Variants in CEP85L observed in about 807,000 individuals in gnomAD.
The protein encoded by CEP85L is centrosomal protein of 85 kDa-like.
In CEP85L, 60 loss-of-function variants were observed where a neutral mutation model predicts 100.3. That is an observed-to-expected ratio of 0.60 (90% CI 0.49 to 0.74). The LOEUF (loss-of-function observed/expected upper bound fraction) is 0.74. CEP85L is among the 30% of genes least tolerant of loss of function. The pLI, the probability that CEP85L is intolerant of heterozygous loss-of-function variation, is 0.00. For synonymous variants in CEP85L, 319 were observed against 322.7 expected, an observed-to-expected ratio of 0.99 and a Z score of 0.12; for missense variants, 973 against 936.2, an observed-to-expected ratio of 1.04 and a Z score of -0.51.
chr6:118,522,211 T>C (rs2114779293), intron 4 of CEP85L, among the ~76,000 whole-genome samples: 1 of 152,098 alleles, frequency 6.6e-6, no homozygotes, highest in African/African-American at 2.4e-5. Flanking sequence ...AAATACAAAA[T>C]TAGCCGGGCG....
intron 3 of CEP85L, among the ~76,000 whole-genome samples, chr6:118,546,352 T>C (rs965821800): frequency 4.6e-5 from 7 of 152,148 alleles, no homozygotes; most frequent in African/African-American, 9.7e-5. Context: ...AAACATGTGG[T>C]AACTAGGGCA....
At chr6:118,593,186 A>G (rs973490356) in intron 2 of CEP85L, among the ~76,000 whole-genome samples, 3 of 152,150 alleles carry the variant, frequency 2.0e-5, no homozygotes, top group Non-Finnish European at 2.9e-5. Context: ...GGTTTGAAGG[A>G]TAATGGCTAA....
chr6:118,675,168 TACA>T (rs35294607), intron 1 of CEP85L, among the ~76,000 whole-genome samples: 38,910 of 151,278 alleles, frequency 0.26, 5,234 homozygotes, highest in Non-Finnish European at 0.3. Flanking sequence ...TGTTACATGC[TACA>T]ACATGGATGA....
chr6:118,564,098 T>A (rs1332088796), intron 3 of CEP85L, among the ~76,000 whole-genome samples: 4 of 151,702 alleles, frequency 2.6e-5, no homozygotes, highest in African/African-American at 7.3e-5. Context: ...AACAAATTTA[T>A]CTCAACAGTG....
chr6:118,465,686 C>T (rs955865133), intron 12 of CEP85L, 118 bp from the exon 13 acceptor site: 4 of 840,088 alleles, frequency 4.8e-6, no homozygotes, highest in Admixed American at 2.6e-5. Context: ...CAGTGAGGCT[C>T]AGGTTCAAGT....
intron 3 of CEP85L, chr6:118,538,054 T>C (rs775628513): frequency 7.2e-5 from 36 of 500,692 alleles, no homozygotes; most frequent in Non-Finnish European, 7.5e-5. Context: ...ATATGAATTA[T>C]GTTATTACTA....
intron 3 of CEP85L, among the ~76,000 whole-genome samples, chr6:118,529,599 C>A (rs972118382): frequency 1.9e-5 from 2 of 103,108 alleles, no homozygotes; most frequent in African/African-American, 8.2e-5. Flanking sequence ...CAGAGCGAGA[C>A]TCTGTCTCCA....
At chr6:118,667,720 G>A (rs1776175736) in intron 1 of CEP85L, among the ~76,000 whole-genome samples, 1 of 152,110 alleles carries the variant, frequency 6.6e-6, no homozygotes, top group African/African-American at 2.4e-5. Context: ...CACTGAAATG[G>A]CAGAGATAAA....
intron 3 of CEP85L, among the ~76,000 whole-genome samples, chr6:118,551,302 T>A (rs1778529056): frequency 6.6e-6 from 1 of 151,782 alleles, no homozygotes; most frequent in African/African-American, 2.4e-5. Context: ...AGGTACTCCA[T>A]CTTTAGTTTT....
chr6:118,692,704 CCA>C (rs1777083319), intron 1 of CEP85L, among the ~76,000 whole-genome samples: 1 of 67,454 alleles, frequency 1.5e-5, no homozygotes, highest in African/African-American at 5.3e-5. Flanking sequence ...AGACTTCCCA[CCA>C]CACTTTCAGA....
rs763585634 is a variant in CEP85L at position 118,566,247 on chromosome 6, T to C, written c.302A>G (p.His101Arg). The C allele has an allele frequency of 3.7e-6, 6 of 1,614,108 alleles. No homozygotes were observed. The South Asian group carries it at 5.5e-5, about 15-fold the overall frequency. Reference protein sequence around the residue: ...SQSLITLPTAHVMPSNSSASI... With the variant: ...SQSLITLPTARVMPSNSSASI... ...AGCGCTGGAATTAGACGGCATCACA[T>C]GGGCAGTAGGAAGAGTAATCAATGA... is the stretch of plus-strand genomic sequence containing the variant. Residue 101 changes from histidine (H) to arginine (R), a missense_variant, in exon 3 of 13, where the codon CAT becomes CGT. By Grantham distance (29) the His-to-Arg change is conservative. Around this residue, in one of 3 missense-constraint regions of CEP85L, gnomAD observed 890 missense variants for 844.5 expected, o/e 1.05. Coordinates refer to ENST00000368491, the MANE Select transcript of CEP85L (RefSeq NM_001042475.3).
intron 1 of CEP85L, among the ~76,000 whole-genome samples, chr6:118,680,237 G>A (rs939238136): frequency 2.1e-5 from 3 of 145,674 alleles, no homozygotes; most frequent in Non-Finnish European, 4.5e-5. Flanking sequence ...AAGTTGCAGT[G>A]AGCCCTGGTC....
intron 2 of CEP85L, among the ~76,000 whole-genome samples, chr6:118,572,011 C>G (rs920085974): frequency 7.9e-5 from 12 of 152,072 alleles, no homozygotes; most frequent in Non-Finnish European, 1.3e-4. Context: ...CAAGCACCAC[C>G]ACACCTGGCT....
At chr6:118,568,653 T>C (rs1220217556) in intron 2 of CEP85L, among the ~76,000 whole-genome samples, 2 of 152,136 alleles carry the variant, frequency 1.3e-5, no homozygotes, top group Admixed American at 6.5e-5. Context: ...ATCAAAAAAA[T>C]TGTACTTAAG....
At chr6:118,539,822 T>C (rs1343766951) in intron 3 of CEP85L, among the ~76,000 whole-genome samples, 1 of 152,184 alleles carries the variant, frequency 6.6e-6, no homozygotes, top group Non-Finnish European at 1.5e-5. Context: ...TTTCTATCAA[T>C]TGGGATTTAT....
At chr6:118,566,381 C>A (rs756130914) in intron 2 of CEP85L, 65 bp from the exon 3 acceptor site, 3 of 1,276,742 alleles carry the variant, frequency 2.3e-6, no homozygotes, top group Non-Finnish European at 3.2e-6. Flanking sequence ...AGGTAAAATG[C>A]AATATGCCAA....
intron 2 of CEP85L, among the ~76,000 whole-genome samples, chr6:118,616,471 A>G (rs1226003262): frequency 6.6e-6 from 1 of 151,972 alleles, no homozygotes; most frequent in Non-Finnish European, 1.5e-5. Context: ...TAGAAGGATC[A>G]CAGTGAGCCA....
intron 10 of CEP85L, among the ~76,000 whole-genome samples, chr6:118,478,486 G>T (rs1773549867): frequency 6.6e-6 from 1 of 151,918 alleles, no homozygotes; most frequent in Admixed American, 6.6e-5. Context: ...TGTGTCTCTA[G>T]ATCTGAAAAC....
chr6:118,474,070 A>G (rs573189490), intron 10 of CEP85L, among the ~76,000 whole-genome samples: 15 of 152,312 alleles, frequency 9.8e-5, no homozygotes, highest in Admixed American at 2.0e-4. Context: ...TGCTTCTAGC[A>G]TGACAGTGTG....
Sources: gnomAD v4.1 joint callset for allele counts (sites outside exome capture counted in the v4.1 genomes callset) on GRCh38, gnomAD v4.1.1 for gene constraint, gnomAD v4.1.1 regional missense constraint, MANE v1.5 for transcripts, NCBI Gene and HGNC (gene_info 2026-07-23, HGNC 2026-07-21) for gene names.